Variants in SLC14A2 observed in about 807,000 individuals in gnomAD.
SLC14A2 encodes the protein urea transporter 2.
Under a neutral mutation model 104.6 loss-of-function variants are expected in SLC14A2, and 91 were observed. The ratio of observed to expected loss-of-function variants is 0.87; its 90% CI spans 0.73 to 1.04. SLC14A2 has a LOEUF of 1.04. SLC14A2 is among the 50% of genes least tolerant of loss of function. The pLI, the probability that SLC14A2 is intolerant of heterozygous loss-of-function variation, is 0.00. For missense variants in SLC14A2, 1,189 were observed against 1,156.0 expected, an observed-to-expected ratio of 1.03 and a Z score of -0.41; for synonymous variants, 476 against 466.4, an observed-to-expected ratio of 1.02 and a Z score of -0.27.
At chr18:45,173,776 G>T in the SLC14A2 span, among the ~76,000 whole-genome samples, 3 of 152,086 alleles carry the variant, frequency 2.0e-5, no homozygotes, top group Non-Finnish European at 4.4e-5. Context: ...GGCTCTGTTT[G>T]CTAGCAACCT....
At chr18:45,440,062 G>A (rs1457885477) in intron 1 of SLC14A2, among the ~76,000 whole-genome samples, 5 of 152,126 alleles carry the variant, frequency 3.3e-5, no homozygotes, top group Admixed American at 6.6e-5. Context: ...TGGTTCACCG[G>A]AAGCTAAAAA....
At chr18:45,476,562 T>A (rs930781708) in intron 1 of SLC14A2, among the ~76,000 whole-genome samples, 1 of 152,218 alleles carries the variant, frequency 6.6e-6, no homozygotes, top group Non-Finnish European at 1.5e-5. Context: ...CTGAACAATA[T>A]CCTGAAGAGT....
At chr18:45,659,345 G>A (rs181205353) in intron 10 of SLC14A2, among the ~76,000 whole-genome samples, 60 of 152,336 alleles carry the variant, frequency 3.9e-4, no homozygotes, top group African/African-American at 1.4e-3. Context: ...GGCAATTATT[G>A]AGTGCTTATT....
chr18:45,182,352 AT>A, the SLC14A2 span, among the ~76,000 whole-genome samples: 1 of 151,986 alleles, frequency 6.6e-6, no homozygotes, highest in Non-Finnish European at 1.5e-5. Flanking sequence ...ATAGTGATAA[AT>A]TCAAAGAAAT....
At chr18:45,539,974 CA>C (rs1422371287) in intron 2 of SLC14A2, among the ~76,000 whole-genome samples, 1 of 151,882 alleles carries the variant, frequency 6.6e-6, no homozygotes, top group East Asian at 1.9e-4. Context: ...CAGGGAATGT[CA>C]AAAATACGGG....
chr18:45,397,747 C>A (rs1253791597), intron 1 of SLC14A2, among the ~76,000 whole-genome samples: 1 of 151,950 alleles, frequency 6.6e-6, no homozygotes, highest in Admixed American at 6.6e-5. Flanking sequence ...CCTGACTCTG[C>A]CACTTACTAG....
intron 2 of SLC14A2, among the ~76,000 whole-genome samples, chr18:45,531,241 C>T (rs1474039711): frequency 6.6e-6 from 1 of 151,394 alleles, no homozygotes; most frequent in Non-Finnish European, 1.5e-5. Context: ...GGTCAAATGG[C>T]ATTTCTAGTT....
At chr18:45,446,769 T>A (rs755756340) in intron 1 of SLC14A2, among the ~76,000 whole-genome samples, 2 of 152,096 alleles carry the variant, frequency 1.3e-5, no homozygotes, top group Non-Finnish European at 2.9e-5. Flanking sequence ...CTGAAATGAA[T>A]AGGGGGTTAG....
At chr18:45,412,904 C>A (rs912701104) in intron 1 of SLC14A2, among the ~76,000 whole-genome samples, 1 of 152,158 alleles carries the variant, frequency 6.6e-6, no homozygotes, top group Non-Finnish European at 1.5e-5. Flanking sequence ...CATCTCCATG[C>A]AAGAATTTGG....
intron 1 of SLC14A2, among the ~76,000 whole-genome samples, chr18:45,380,613 T>C (rs1213124989): frequency 1.3e-5 from 2 of 152,194 alleles, no homozygotes; most frequent in Non-Finnish European, 2.9e-5. Context: ...TGTTTGATGT[T>C]TCAGGGTGAC....
the SLC14A2 span, among the ~76,000 whole-genome samples, chr18:45,206,931 T>C: frequency 6.6e-6 from 1 of 152,204 alleles, no homozygotes; most frequent in African/African-American, 2.4e-5. Flanking sequence ...TCTGGTCCAG[T>C]GAGGCAATAA....
intron 1 of SLC14A2, among the ~76,000 whole-genome samples, chr18:45,401,209 T>C (rs957440930): frequency 1.3e-5 from 2 of 152,188 alleles, no homozygotes; most frequent in Admixed American, 1.3e-4. Flanking sequence ...ACTGACATCA[T>C]CCCTCACCAC....
chr18:45,583,511 A>G (rs529903360), intron 2 of SLC14A2, among the ~76,000 whole-genome samples: 1 of 152,322 alleles, frequency 6.6e-6, no homozygotes, highest in South Asian at 2.1e-4. Context: ...TTCATCTTAA[A>G]TCTACATGGT....
intron 10 of SLC14A2, among the ~76,000 whole-genome samples, chr18:45,659,961 CAAAAAAA>C (rs11456560): frequency 9.5e-6 from 1 of 104,812 alleles, no homozygotes; most frequent in Non-Finnish European, 1.9e-5. Context: ...ACTGGCTCTA[CAAAAAAA>C]AAAAAAAAAG....
At chr18:45,467,597 G>T (rs151317694) in intron 1 of SLC14A2, among the ~76,000 whole-genome samples, 7 of 152,156 alleles carry the variant, frequency 4.6e-5, no homozygotes, top group Admixed American at 1.3e-4. Context: ...TCCCCTTCAG[G>T]GTCATAGGGA....
At chr18:45,278,633 C>T (rs1292549521) in intron 1 of SLC14A2, among the ~76,000 whole-genome samples, 6 of 152,080 alleles carry the variant, frequency 3.9e-5, no homozygotes, top group African/African-American at 1.4e-4. Context: ...GGTTCCAGGA[C>T]CCCTAAGTAT....
At chr18:45,424,344 G>C (rs2086392643) in intron 1 of SLC14A2, among the ~76,000 whole-genome samples, 1 of 152,198 alleles carries the variant, frequency 6.6e-6, no homozygotes, top group Non-Finnish European at 1.5e-5. Flanking sequence ...TCCATCCAGT[G>C]CTCATATTCT....
chr18:45,674,196 G>A (rs10153333), intron 18 of SLC14A2, among the ~76,000 whole-genome samples: 5,372 of 152,206 alleles, frequency 0.035, 245 homozygotes, highest in African/African-American at 0.11. Flanking sequence ...AAATTAGATC[G>A]ACTGTAACAA....
intron 10 of SLC14A2, among the ~76,000 whole-genome samples, chr18:45,648,187 A>G (rs1328339814): frequency 3.2e-5 from 4 of 125,924 alleles, no homozygotes; most frequent in Admixed American, 3.1e-4. Flanking sequence ...TCTTTATTCT[A>G]GTTAATGCTT....
Sources: gnomAD v4.1 joint callset for allele counts (sites outside exome capture counted in the v4.1 genomes callset) on GRCh38, gnomAD v4.1.1 for gene constraint, MANE v1.5 for transcripts, NCBI Gene and HGNC (gene_info 2026-07-23, HGNC 2026-07-21) for gene names.